TEAD3: variants seen among roughly 807,000 people sequenced by gnomAD.
The protein encoded by TEAD3 is TEA domain transcription factor 3.
A neutral mutation model predicts 55.6 loss-of-function variants in TEAD3; 15 were observed. The ratio of observed to expected loss-of-function variants is 0.27; its 90% CI spans 0.18 to 0.42. The LOEUF (loss-of-function observed/expected upper bound fraction) is 0.42, where lower values mean the gene tolerates loss of function less well. TEAD3 is among the 10% of genes least tolerant of loss of function. The probability of loss-of-function intolerance (pLI) is 1.00; values close to 1 mark genes in which losing one functional copy is unlikely to be tolerated. For synonymous variants in TEAD3, 210 were observed against 232.2 expected (o/e 0.90, Z 0.87); for missense variants, 407 against 576.8 (o/e 0.71, Z 3.01).
intron 5 of TEAD3, 35 bp downstream of exon 5, chr6:35,479,270 C>G (rs1469737754): frequency 4.3e-6 from 7 of 1,611,758 alleles, no homozygotes; most frequent in Admixed American, 1.7e-5. Context: ...AAGACCCTTT[C>G]CCCCACTCCC....
At chr6:35,493,994 AAG>A (rs1201217171) in intron 1 of TEAD3, among the ~76,000 whole-genome samples, 2 of 152,128 alleles carry the variant, frequency 1.3e-5, no homozygotes, top group African/African-American at 4.8e-5. Flanking sequence ...TGGACACATG[AAG>A]AGTCACCCAG....
chr6:35,473,841 G>C (rs983099262), downstream of TEAD3: 2 of 152,456 alleles, frequency 1.3e-5, no homozygotes, highest in African/African-American at 4.8e-5. Flanking sequence ...GGCAGGGTCG[G>C]GATGAGGAAG....
Position 35,491,611 on chromosome 6 carries a change from T to C in TEAD3, c.-49-4900A>G, listed in dbSNP as rs1768521072. ...ATCTGCCTCTGCAGAGGAGTCCTGT[T>C]GTACCTGTCCTGCAAACCCGCCAGC... On this transcript the variant is annotated intron_variant, in intron 1 of 12. Coordinates refer to ENST00000639578, the Ensembl canonical transcript of TEAD3. This position sits in a 1 kb window ranked among gnomAD's most constrained non-coding sequence, Gnocchi z 4.4. 6.6e-6 allele frequency among the ~76,000 whole-genome samples: 1 copy of C among 152,172 alleles called. No individual in the cohort carries two copies. Among genetic ancestry groups the C allele is most frequent in the African/African-American group, 2.4e-5 (1 of 41,446 alleles).
rs984749365 is a variant in TEAD3, at chr6:35,496,318, C to G, written c.-50+580G>C. Among the ~76,000 whole-genome samples the G allele has an allele frequency of 1.3e-5, 2 of 152,216 alleles. No individual in the cohort carries two copies. The highest frequency in any genetic ancestry group is 2.9e-5 in the Non-Finnish European group (2 of 68,034). ...AGAACTGAAGGGAACGTGAGCCCCT[C>G]CCTGCCTCTCAGGGGACACACGGCC... On this transcript the variant is annotated intron_variant, in intron 1 of 12. Coordinates refer to ENST00000639578, the Ensembl canonical transcript of TEAD3. The surrounding 1 kb of genome is among the most constrained non-coding windows in gnomAD (Gnocchi z 4.8).
intron 1 of TEAD3, among the ~76,000 whole-genome samples, chr6:35,487,890 G>A (rs1468553372): frequency 6.6e-6 from 1 of 152,178 alleles, no homozygotes; most frequent in Non-Finnish European, 1.5e-5. Context: ...AGGAGCAGAG[G>A]AGCAGGGCTG....
At chr6:35,495,326 A>G (rs2150919467) in intron 1 of TEAD3, among the ~76,000 whole-genome samples, 1 of 152,342 alleles carries the variant, frequency 6.6e-6, no homozygotes, top group South Asian at 2.1e-4. Context: ...GCTTCTGTAC[A>G]CTTAATGTGC....
intron 1 of TEAD3, among the ~76,000 whole-genome samples, chr6:35,493,918 G>A (rs890035386): frequency 6.6e-6 from 1 of 152,186 alleles, no homozygotes; most frequent in Non-Finnish European, 1.5e-5. Context: ...CACATCCTGG[G>A]TGATGCCCTG....
chr6:35,485,700 C>T lies in TEAD3; in HGVS notation c.202+761G>A, dbSNP rs937019643. Reference sequence around the variant, plus strand: ...GGCACCCTGGACCATCTGCCTGCCCCCAAGGTGGGGCTCTGGGGCTGGGTG... The same window carrying T: ...GGCACCCTGGACCATCTGCCTGCCCTCAAGGTGGGGCTCTGGGGCTGGGTG... On this transcript the variant is annotated intron_variant, in intron 2 of 12. Transcript: ENST00000639578. The surrounding 1 kb of genome is among the most constrained non-coding windows in gnomAD (Gnocchi z 4.3). 5.3e-5 allele frequency among the ~76,000 whole-genome samples: 8 copies of T among 152,208 alleles called. No homozygotes were observed. Among genetic ancestry groups the T allele is most frequent in the Non-Finnish European group, 1.2e-4 (8 of 68,030 alleles).
chr6:35,477,429 G>T, intron 7 of TEAD3, 57 bp from the exon 8 acceptor site: 3 of 1,521,386 alleles, frequency 2.0e-6, no homozygotes, highest in Non-Finnish European at 2.6e-6. Context: ...CTTCCACCTG[G>T]CCCAGCCCCT....
At chr6:35,487,197 A>C (rs1191690533) in intron 1 of TEAD3, among the ~76,000 whole-genome samples, 2 of 152,198 alleles carry the variant, frequency 1.3e-5, no homozygotes, top group East Asian at 3.8e-4. Flanking sequence ...AGGTGGGTGG[A>C]TCATTTAAGG....
intron 4 of TEAD3, among the ~76,000 whole-genome samples, chr6:35,479,670 T>C (rs540095405): frequency 6.6e-6 from 1 of 152,282 alleles, no homozygotes; most frequent in African/African-American, 2.4e-5. Context: ...AGGGCCTCAG[T>C]CATGAACCCC....
At chr6:35,489,322 A>G (rs1436565972) in intron 1 of TEAD3, among the ~76,000 whole-genome samples, 1 of 152,032 alleles carries the variant, frequency 6.6e-6, no homozygotes, top group Non-Finnish European at 1.5e-5. Context: ...GGCACACAAC[A>G]AGTAAGTACT....
Position 35,486,091 on chromosome 6 carries a change from G to C in TEAD3, c.202+370C>G, listed in dbSNP as rs1476969090. ...AACTATACGGGCTGTGGGAGTCACCGGGCGACTATCACCGGGCCTCCTTTC... is the reference window on the plus strand; with the variant it reads ...AACTATACGGGCTGTGGGAGTCACCCGGCGACTATCACCGGGCCTCCTTTC... On this transcript the variant is annotated intron_variant, in intron 2 of 12. Transcript: ENST00000639578. The surrounding 1 kb of genome is among the most constrained non-coding windows in gnomAD (Gnocchi z 7.3). 6.6e-6 allele frequency among the ~76,000 whole-genome samples: 1 copy of C among 152,178 alleles called. No homozygotes were observed. Among genetic ancestry groups the C allele is most frequent in the Admixed American group, 6.5e-5 (1 of 15,292 alleles).
rs987220954 is a variant in TEAD3 at position 35,475,666 on chromosome 6, A to G, written c.941T>C (p.Phe314Ser). 1 of 1,612,634 alleles carries G rather than the reference A, an allele frequency of 6.2e-7. No individual in the cohort carries two copies. The highest frequency in any genetic ancestry group is 8.5e-7 in the Non-Finnish European group (1 of 1,179,010). Residue 314 changes from phenylalanine to serine, a missense_variant, in exon 11 of 13, where the codon TTC becomes TCC. Phe to Ser is a radical substitution (Grantham distance 155). Coordinates refer to ENST00000639578, the Ensembl canonical transcript of TEAD3. This position sits in a 1 kb window ranked among gnomAD's most constrained non-coding sequence, Gnocchi z 5.4. The stretch of plus-strand genomic sequence containing the variant: ...GCTGTACTGAGAGCTGACCCCATAG[A>G]AGGCTCCCGGGCCCTCCTGGATGGT...
chr6:35,479,276 C>T (rs770843427), intron 5 of TEAD3, 29 bp downstream of exon 5: 13 of 1,613,120 alleles, frequency 8.1e-6, no homozygotes, highest in Non-Finnish European at 1.1e-5. Flanking sequence ...CTTTCCCCCA[C>T]TCCCACTGGG....
chr6:35,492,578 G>A (rs1422120329), intron 1 of TEAD3, among the ~76,000 whole-genome samples: 2 of 152,054 alleles, frequency 1.3e-5, no homozygotes, highest in Admixed American at 1.3e-4. Flanking sequence ...CCCACTAGGA[G>A]GGAGGTGGGG....
At chr6:35,490,843 G>A (rs1768500180) in intron 1 of TEAD3, among the ~76,000 whole-genome samples, 1 of 152,178 alleles carries the variant, frequency 6.6e-6, no homozygotes, top group Admixed American at 6.5e-5. Context: ...GGAGGGGTGG[G>A]ACATCTAGAG....
chr6:35,478,616 G>A, intron 5 of TEAD3, 45 bp from the exon 6 acceptor site: 1 of 1,547,690 alleles, frequency 6.5e-7, no homozygotes, highest in East Asian at 2.4e-5. Context: ...GCTGGATGAG[G>A]CCAGGCTTGC....
chr6:35,491,421 A>C lies in TEAD3; in HGVS notation c.-49-4710T>G, dbSNP rs1268332354. On this transcript the variant is annotated intron_variant, in intron 1 of 12. Coordinates refer to ENST00000639578, the Ensembl canonical transcript of TEAD3. The surrounding 1 kb of genome is among the most constrained non-coding windows in gnomAD (Gnocchi z 4.4). ...GGCAGACCAGGAGGGGATGGGGAGA[A>C]AGAAAAAGACAGGGACAAGGACAGA... is the stretch of plus-strand genomic sequence containing the variant. Among the ~76,000 whole-genome samples, 1 of 152,094 alleles carries C rather than the reference A, an allele frequency of 6.6e-6. No individual in the cohort carries two copies. Among genetic ancestry groups the C allele is most frequent in the Non-Finnish European group, 1.5e-5 (1 of 67,980 alleles).
Sources: gnomAD v4.1 joint callset for allele counts (sites outside exome capture counted in the v4.1 genomes callset) on GRCh38, gnomAD v4.1.1 for gene constraint, Gnocchi (gnomAD v3.1) non-coding constraint, MANE v1.5 for transcripts, NCBI Gene and HGNC (gene_info 2026-07-23, HGNC 2026-07-21) for gene names.